The following VPS13D variants were observed in gnomAD, a reference collection of about 807,000 sequenced individuals.
VPS13D encodes the protein vacuolar protein sorting 13 homolog D.
Under a neutral mutation model 461.9 loss-of-function variants are expected in VPS13D, and 187 were observed. That is an observed-to-expected ratio of 0.40 (90% CI 0.36 to 0.46). The LOEUF (loss-of-function observed/expected upper bound fraction) is 0.46, where lower values mean the gene tolerates loss of function less well. Among genes scored for constraint, VPS13D ranks in the 20% least tolerant of loss-of-function variants. The pLI, the probability that VPS13D is intolerant of heterozygous loss-of-function variation, is 0.60. For missense variants in VPS13D, 4,711 were observed against 5,364.9 expected, an observed-to-expected ratio of 0.88 and a Z score of 3.81; for synonymous variants, 1,951 against 1,986.3, an observed-to-expected ratio of 0.98 and a Z score of 0.47.
chr1:12,390,977 T>G (rs1350161075), intron 60 of VPS13D, among the ~76,000 whole-genome samples: 1 of 152,196 alleles, frequency 6.6e-6, no homozygotes, highest in Admixed American at 6.5e-5. Flanking sequence ...AGCACTCACA[T>G]GGGATACAAG....
intron 9 of VPS13D, among the ~76,000 whole-genome samples, chr1:12,257,477 G>A (rs1024507459): frequency 1.3e-5 from 2 of 152,152 alleles, no homozygotes; most frequent in African/African-American, 4.8e-5. Context: ...AGCCTCCATA[G>A]CAAAACTAAA....
rs1037463630 is a variant in VPS13D, at chr1:12,314,059, T to G, written c.6936-56T>G. 19 of 1,512,868 alleles carry G rather than the reference T, an allele frequency of 1.3e-5. No homozygotes were observed. The Admixed American group carries it at 2.5e-4, about 20-fold the overall frequency. 93.7% of individuals were successfully genotyped at this position (1,512,868 alleles called of 1,614,324 possible). ...TCGTTATCTCGAACTTATATACTTT[T>G]GTAAAATGGAAGAGTTGTGTTTCAC... On this transcript the variant is annotated intron_variant, in intron 29 of 69. Transcript: ENST00000620676.
In VPS13D at chr1:12,319,631, G is replaced by A. The variant is rs1050485864; in HGVS notation, c.7548+1G>A. On this transcript the variant is annotated splice_donor_variant, in intron 32 of 69. Coordinates refer to ENST00000620676, the MANE Select transcript of VPS13D (RefSeq NM_015378.4). LOFTEE classifies it high-confidence loss of function. Reference sequence around the variant, plus strand: ...TTCAGGAAGTTTGTTTGGCATTGAGGTAAGAAGTCTATGTGTTGATCACAG... The same window carrying A: ...TTCAGGAAGTTTGTTTGGCATTGAGATAAGAAGTCTATGTGTTGATCACAG... The A allele has an allele frequency of 6.2e-7, 1 of 1,614,242 alleles. No homozygotes were observed.
At chr1:12,460,176 C>T in intron 66 of VPS13D, 25 bp from the exon 67 acceptor site, 6 of 1,545,618 alleles carry the variant, frequency 3.9e-6, no homozygotes, top group Non-Finnish European at 5.2e-6. Context: ...CGTCAGGTTA[C>T]AACAGCCCTT....
intron 66 of VPS13D, among the ~76,000 whole-genome samples, chr1:12,459,432 C>A (rs957031883): frequency 4.0e-5 from 6 of 151,584 alleles, no homozygotes; most frequent in African/African-American, 1.5e-4. Flanking sequence ...TACTAAGGAA[C>A]AACTACATTT....
Position 12,349,183 on chromosome 1 carries a change from T to C in VPS13D, c.9240T>C (p.Ala3080=). Residue 3080 remains alanine (A), a synonymous_variant, in exon 46 of 70, where the codon GCT becomes GCC. Coordinates refer to ENST00000620676, the MANE Select transcript of VPS13D (RefSeq NM_015378.4). ...SAPDKPVVLP[A]IMPGDSFAVP... ...TGGCAGAGCCAGTGGTGCTTCCTGC[T>C]ATCATGCCAGGGGATTCGTTTGCTG... The C allele has an allele frequency of 1.2e-6, 2 of 1,613,896 alleles. No individual in the cohort carries two copies. Among genetic ancestry groups the C allele is most frequent in the Non-Finnish European group, 1.7e-6 (2 of 1,180,038 alleles).
Position 12,283,744 on chromosome 1 carries a change from C to T in VPS13D, c.5634+8C>T, listed in dbSNP as rs373861915. The T allele has an allele frequency of 3.7e-6, 6 of 1,604,734 alleles. No homozygotes were observed. In the African/African-American group the frequency reaches 5.4e-5, roughly 14 times the overall value. ...ACCAAACTGGATCTCAAGGTATCCT[C>T]AGTTCCCTTTGGCTCCCTTAAGCTC... On this transcript the variant is annotated splice_region_variant and intron_variant, in intron 21 of 69. Coordinates refer to ENST00000620676, the MANE Select transcript of VPS13D (RefSeq NM_015378.4).
rs1646122252 is a variant in VPS13D, at chr1:12,507,230, C to G, written c.13035+137C>G. 3 of 1,483,848 alleles carry G rather than the reference C, an allele frequency of 2.0e-6. No homozygotes were observed. In the East Asian group the frequency reaches 6.8e-5, roughly 34 times the overall value. The allele number at this position is 1,483,848 out of a possible 1,614,324, so 91.9% of individuals were successfully genotyped here. On this transcript the variant is annotated intron_variant, in intron 69 of 69. Coordinates refer to ENST00000620676, the MANE Select transcript of VPS13D (RefSeq NM_015378.4). The surrounding 1 kb of genome is among the most constrained non-coding windows in gnomAD (Gnocchi z 5.3). ...CTTCCCAGGAGTGCTGCCTCTCAGT[C>G]CTGAACATGGGAGGGGCCCAGGGTA...
At chr1:12,275,196 G>C (rs1387956083) in intron 18 of VPS13D, among the ~76,000 whole-genome samples, 1 of 152,108 alleles carries the variant, frequency 6.6e-6, no homozygotes, top group East Asian at 1.9e-4. Flanking sequence ...TCCAGCCTGG[G>C]TGACAGAATG....
chr1:12,469,587 G>A (rs1474807740), intron 67 of VPS13D, among the ~76,000 whole-genome samples: 1 of 152,240 alleles, frequency 6.6e-6, no homozygotes, highest in Admixed American at 6.5e-5. Flanking sequence ...TTGCTGATAA[G>A]TAGCACATAT....
At chr1:12,358,427 A>T in intron 49 of VPS13D, 32 bp from the exon 50 acceptor site, 1 of 1,611,660 alleles carries the variant, frequency 6.2e-7, no homozygotes, top group Non-Finnish European at 8.5e-7. Flanking sequence ...CTTGTGGATG[A>T]ATATCTACAT....
intron 37 of VPS13D, among the ~76,000 whole-genome samples, chr1:12,331,310 G>A (rs1407400772): frequency 6.6e-6 from 1 of 152,252 alleles, no homozygotes; most frequent in Non-Finnish European, 1.5e-5. Context: ...ATTAAACCTC[G>A]ATTTGTTGTG....
chr1:12,501,680 C>T (rs1646037499), intron 68 of VPS13D, among the ~76,000 whole-genome samples: 1 of 152,238 alleles, frequency 6.6e-6, no homozygotes, highest in East Asian at 1.9e-4. Context: ...GAAATTTCCT[C>T]TGTCCTCAGT....
chr1:12,403,217 G>A (rs1202389714), intron 62 of VPS13D, among the ~76,000 whole-genome samples: 6 of 152,236 alleles, frequency 3.9e-5, no homozygotes, highest in Non-Finnish European at 8.8e-5. Flanking sequence ...TTGCTGTGTT[G>A]TAGCCCATGC....
At chr1:12,400,403 C>A in intron 61 of VPS13D, 73 bp downstream of exon 61, 1 of 1,562,568 alleles carries the variant, frequency 6.4e-7, no homozygotes, top group Non-Finnish European at 8.7e-7. Context: ...AGCCAAGTCT[C>A]AGAGCAGCAG....
At chr1:12,251,939 A>G (rs1004118123) in intron 6 of VPS13D, among the ~76,000 whole-genome samples, 5 of 152,300 alleles carry the variant, frequency 3.3e-5, no homozygotes, top group Non-Finnish European at 7.4e-5. Context: ...GTGGCTGATC[A>G]GTCCCTTCTG....
At chr1:12,363,042 G>C in intron 51 of VPS13D, 30 bp from the exon 52 acceptor site, 2 of 1,611,192 alleles carry the variant, frequency 1.2e-6, no homozygotes, top group Non-Finnish European at 1.7e-6. Flanking sequence ...TCGACTTGTT[G>C]ACTAAAGCCT....
chr1:12,476,591 T>A (rs562604688), intron 67 of VPS13D, among the ~76,000 whole-genome samples: 1 of 152,376 alleles, frequency 6.6e-6, no homozygotes, highest in South Asian at 2.1e-4. Flanking sequence ...TGTATATGAA[T>A]AACTGGAGAC....
intron 54 of VPS13D, among the ~76,000 whole-genome samples, chr1:12,370,578 A>C (rs1644102235): frequency 6.6e-6 from 1 of 152,210 alleles, no homozygotes; most frequent in Non-Finnish European, 1.5e-5. Flanking sequence ...ACTAGTAATA[A>C]TTGAATCTGC....
Sources: allele counts gnomAD v4.1 joint callset (sites outside exome capture counted in the v4.1 genomes callset), GRCh38; gene constraint gnomAD v4.1.1; non-coding constraint Gnocchi (gnomAD v3.1); transcripts MANE v1.5; gene names NCBI Gene and HGNC (gene_info 2026-07-23, HGNC 2026-07-21).